The following NWD2 variants were observed in gnomAD, a reference collection of about 807,000 sequenced individuals.
NWD2 encodes NACHT and WD repeat domain-containing protein 2.
A neutral mutation model predicts 132.7 loss-of-function variants in NWD2; 37 were observed. The observed-to-expected ratio is 0.28, with a 90% CI of 0.21 to 0.37. The LOEUF is 0.37. NWD2 is among the 10% of genes least tolerant of loss of function. The probability of loss-of-function intolerance (pLI) is 1.00; values close to 1 mark genes in which losing one functional copy is unlikely to be tolerated. For missense variants in NWD2, 1,592 were observed against 2,122.4 expected (o/e 0.75, Z 4.91); for synonymous variants, 705 against 803.0 (o/e 0.88, Z 2.06).
chr4:37,373,712 C>T, intron 3 of NWD2, among the ~76,000 whole-genome samples: 1 of 152,060 alleles, frequency 6.6e-6, no homozygotes, highest in East Asian at 1.9e-4. Context: ...AATTTGTTCT[C>T]CAGCAACAGA....
At chr4:37,374,872 T>C (rs1720311961) in intron 3 of NWD2, among the ~76,000 whole-genome samples, 1 of 152,246 alleles carries the variant, frequency 6.6e-6, no homozygotes, top group Non-Finnish European at 1.5e-5. Flanking sequence ...GAAAATACTC[T>C]GTAAAACTCT....
rs115539137 is a variant in NWD2 at position 37,277,987 on chromosome 4, G to T, written c.151+32769G>T. On this transcript the variant is annotated intron_variant, in intron 1 of 6. Coordinates refer to ENST00000309447, the MANE Select transcript of NWD2 (RefSeq NM_001144990.2). The stretch of plus-strand genomic sequence containing the variant: ...CAGTTTATGTATAGACAGAGACAAA[G>T]ATGTAAGTATTTTCTTTAATTTTTA... Among the ~76,000 whole-genome samples, 264 of 152,220 alleles carry T rather than the reference G, an allele frequency of 1.7e-3. 1 individual carries two copies. Among genetic ancestry groups the T allele is most frequent in the African/African-American group, 6.1e-3 (253 of 41,564 alleles).
intron 1 of NWD2, among the ~76,000 whole-genome samples, chr4:37,246,396 GA>G (rs1717246097): frequency 6.6e-6 from 1 of 152,112 alleles, no homozygotes; most frequent in Non-Finnish European, 1.5e-5. Context: ...GTTGGGGAGA[GA>G]ATCAAAACGA....
intron 1 of NWD2, among the ~76,000 whole-genome samples, chr4:37,301,285 T>C (rs544857606): frequency 2.0e-5 from 3 of 152,122 alleles, no homozygotes; most frequent in Admixed American, 6.5e-5. Flanking sequence ...TGAAATGGAA[T>C]TTCAGTATTT....
At position 37,447,569 on chromosome 4, in the gene NWD2, G is replaced by A. The variant is rs980967017; in HGVS notation, c.*352G>A. The A allele has an allele frequency of 1.4e-5, 3 of 219,528 alleles. No individual in the cohort carries two copies. The highest frequency in any genetic ancestry group is 1.8e-5 in the Non-Finnish European group (2 of 109,778). 13.6% of individuals were successfully genotyped at this position (219,528 alleles called of 1,614,324 possible). On this transcript the variant is annotated 3_prime_UTR_variant, in exon 7 of 7. Coordinates refer to ENST00000309447, the MANE Select transcript of NWD2 (RefSeq NM_001144990.2). ...ATACAGATCATTTGGATGGGAATTA[G>A]TTCTACAAAAATCAGCTGAAATCAT...
chr4:37,345,867 G>A (rs1476644344), intron 2 of NWD2, among the ~76,000 whole-genome samples: 1 of 152,148 alleles, frequency 6.6e-6, no homozygotes, highest in African/African-American at 2.4e-5. Context: ...GATCACCTGA[G>A]GTTAGGAGTT....
At chr4:37,373,331 T>C (rs1320653169) in intron 3 of NWD2, among the ~76,000 whole-genome samples, 2 of 152,226 alleles carry the variant, frequency 1.3e-5, no homozygotes, top group Admixed American at 1.3e-4. Flanking sequence ...TCATTACCAT[T>C]ACCCACCCTT....
At chr4:37,401,052 A>G (rs937341171) in intron 3 of NWD2, among the ~76,000 whole-genome samples, 1 of 152,240 alleles carries the variant, frequency 6.6e-6, no homozygotes, top group Non-Finnish European at 1.5e-5. Context: ...ACTTGTGTTT[A>G]AAAAGCAGAT....
intron 3 of NWD2, among the ~76,000 whole-genome samples, chr4:37,370,808 T>C (rs1201020284): frequency 6.6e-6 from 1 of 152,226 alleles, no homozygotes; most frequent in East Asian, 1.9e-4. Flanking sequence ...GATTATAAAA[T>C]ATTAATGCTA....
chr4:37,443,386 C>T lies in NWD2; in HGVS notation c.1398C>T (p.Leu466=). The T allele has an allele frequency of 2.6e-6, 4 of 1,552,046 alleles. No individual in the cohort carries two copies. The highest frequency in any genetic ancestry group is 2.6e-6 in the Non-Finnish European group (3 of 1,147,076). Reference sequence around the variant, plus strand: ...ACATGAGCTCTGACCTTAGGACTCTCCTTCTAAGTGTTTGTGAACAATTGG... The same window carrying T: ...ACATGAGCTCTGACCTTAGGACTCTTCTTCTAAGTGTTTGTGAACAATTGG... ...TTDMSSDLRT[L]LLSVCEQLAV... The change falls in exon 7 of 7, where the codon CTC becomes CTT. Residue 466 remains leucine, a synonymous_variant. Coordinates refer to ENST00000309447, the MANE Select transcript of NWD2 (RefSeq NM_001144990.2). The surrounding 1 kb of genome is among the most constrained non-coding windows in gnomAD (Gnocchi z 4.1).
chr4:37,325,840 T>C (rs537028304), intron 1 of NWD2, 96 bp from the exon 2 acceptor site: 3 of 701,014 alleles, frequency 4.3e-6, no homozygotes, highest in South Asian at 3.7e-5. Context: ...AACTTGATTG[T>C]ATTACTGTTA....
Position 37,443,882 on chromosome 4 carries a change from T to C in NWD2, c.1894T>C (p.Ser632Pro). ...HWRSHKDVDE[S>P]SLSVTVHESI... Reference sequence around the variant, plus strand: ...GAGATCTCACAAAGACGTCGATGAATCCTCCCTCTCTGTCACCGTTCATGA... The same window carrying C: ...GAGATCTCACAAAGACGTCGATGAACCCTCCCTCTCTGTCACCGTTCATGA... The change falls in exon 7 of 7, where the codon TCC becomes CCC. Residue 632 changes from serine to proline, a missense_variant. By Grantham distance (74) the Ser-to-Pro change is moderately conservative. Coordinates refer to ENST00000309447, the MANE Select transcript of NWD2 (RefSeq NM_001144990.2). The surrounding 1 kb of genome is among the most constrained non-coding windows in gnomAD (Gnocchi z 4.1). 1 of 1,552,322 alleles carries C rather than the reference T, an allele frequency of 6.4e-7. No individual in the cohort carries two copies. The highest frequency in any genetic ancestry group is 8.7e-7 in the Non-Finnish European group (1 of 1,147,138).
At chr4:37,388,589 GAAATATATATTTCTATTGTGGA>G (rs1720615937) in intron 3 of NWD2, among the ~76,000 whole-genome samples, 1 of 145,100 alleles carries the variant, frequency 6.9e-6, no homozygotes, top group Non-Finnish European at 1.5e-5. Context: ...TATATTGTGG[GAAATATATATTTCTATTGTGGA>G]AAATATATAT....
intron 1 of NWD2, among the ~76,000 whole-genome samples, chr4:37,254,644 G>A (rs1373577416): frequency 6.6e-6 from 1 of 152,120 alleles, no homozygotes; most frequent in African/African-American, 2.4e-5. Flanking sequence ...TGCAATTTTT[G>A]TTGAAACCAA....
intron 1 of NWD2, among the ~76,000 whole-genome samples, chr4:37,270,682 T>C (rs143445802): frequency 1.2e-3 from 183 of 151,990 alleles, no homozygotes; most frequent in African/African-American, 4.2e-3. Context: ...TTGTCATATA[T>C]ACATACTAAT....
rs958133478 is a variant in NWD2, at chr4:37,311,910, G to C, written c.152-14026G>C. ...AATCCTTTCCCTATTGCTTGTTTTT[G>C]TCAGGTTTGTCAAAGATCAGATAGT... On this transcript the variant is annotated intron_variant, in intron 1 of 6. Coordinates refer to ENST00000309447, the MANE Select transcript of NWD2 (RefSeq NM_001144990.2). Among the ~76,000 whole-genome samples the C allele has an allele frequency of 5.4e-3, 824 of 151,518 alleles. 12 individuals carry two copies. The highest frequency in any genetic ancestry group is 0.019 in the African/African-American group (780 of 40,888).
At chr4:37,356,002 A>G (rs1445219520) in intron 2 of NWD2, among the ~76,000 whole-genome samples, 2 of 152,140 alleles carry the variant, frequency 1.3e-5, no homozygotes, top group Non-Finnish European at 2.9e-5. Flanking sequence ...GTAACATTAT[A>G]TACATTTGGT....
chr4:37,276,342 T>G (rs965480386), intron 1 of NWD2, among the ~76,000 whole-genome samples: 1 of 152,038 alleles, frequency 6.6e-6, no homozygotes, highest in Non-Finnish European at 1.5e-5. Context: ...CGTGAAAAAA[T>G]GCTCATCATC....
Position 37,447,064 on chromosome 4 carries a change from G to A in NWD2, c.5076G>A (p.Glu1692=), listed in dbSNP as rs780214853. Residue 1692 remains glutamate, a synonymous_variant, in exon 7 of 7, where the codon GAG becomes GAA. Transcript: ENST00000309447. ...FKISVDCLWR[E]STEVFARDSP... is the part of the protein sequence containing the mutation. The stretch of plus-strand genomic sequence containing the variant: ...TATCTGTGGATTGCTTATGGAGAGA[G>A]TCCACTGAGGTCTTTGCAAGAGACA... 6.0e-5 allele frequency: 93 copies of A among 1,551,552 alleles called. No individual in the cohort carries two copies. Among genetic ancestry groups the A allele is most frequent in the Non-Finnish European group, 7.8e-5 (90 of 1,147,012 alleles).
Sources: allele counts gnomAD v4.1 joint callset (sites outside exome capture counted in the v4.1 genomes callset), GRCh38; gene constraint gnomAD v4.1.1; non-coding constraint Gnocchi (gnomAD v3.1); transcripts MANE v1.5; gene names NCBI Gene and HGNC (gene_info 2026-07-23, HGNC 2026-07-21).